The following ANXA13 variants were observed in gnomAD, a reference collection of about 807,000 sequenced individuals.
ANXA13 encodes the protein annexin A13.
In ANXA13, 36 loss-of-function variants were observed where a neutral mutation model predicts 46.6. That is an observed-to-expected ratio of 0.77 (90% CI 0.59 to 1.02). ANXA13 has a LOEUF of 1.02. Ranked by LOEUF, ANXA13 falls within the 50% of genes least tolerant of loss-of-function variation. ANXA13 has a pLI of 0.00. For synonymous variants in ANXA13, 163 were observed against 152.9 expected (o/e 1.07, Z -0.49); for missense variants, 417 against 396.5 (o/e 1.05, Z -0.44).
chr8:123,735,471 G>A (rs1451249414), intron 1 of ANXA13, among the ~76,000 whole-genome samples: 2 of 152,146 alleles, frequency 1.3e-5, no homozygotes, highest in Non-Finnish European at 2.9e-5. Flanking sequence ...TTTCTGAAAT[G>A]TCATAGTGGT....
At chr8:123,737,053 G>A (rs1814284450) in intron 1 of ANXA13, among the ~76,000 whole-genome samples, 1 of 149,932 alleles carries the variant, frequency 6.7e-6, no homozygotes, top group South Asian at 2.1e-4. Flanking sequence ...TAGAGACAGT[G>A]TTTCACCATG....
At chr8:123,693,355 C>A in intron 7 of ANXA13, 57 bp from the exon 8 acceptor site, 1 of 1,494,594 alleles carries the variant, frequency 6.7e-7, no homozygotes. Context: ...ACTGATTATG[C>A]AGTGCTGTGA....
intron 1 of ANXA13, among the ~76,000 whole-genome samples, chr8:123,715,083 TC>T (rs1156571058): frequency 6.6e-6 from 1 of 152,212 alleles, no homozygotes; most frequent in Non-Finnish European, 1.5e-5. Flanking sequence ...CTTATCCAAA[TC>T]TTTTGTGAGA....
At chr8:123,726,954 C>G (rs1036325391) in intron 1 of ANXA13, among the ~76,000 whole-genome samples, 9 of 152,120 alleles carry the variant, frequency 5.9e-5, no homozygotes, top group African/African-American at 2.2e-4. Flanking sequence ...AACTCAGGAA[C>G]AGAAAACCAA....
intron 9 of ANXA13, among the ~76,000 whole-genome samples, chr8:123,687,117 G>A (rs1813154412): frequency 6.6e-6 from 1 of 152,070 alleles, no homozygotes; most frequent in South Asian, 2.1e-4. Flanking sequence ...GCAAGAACTG[G>A]CCTTATTTAC....
chr8:123,711,622 T>C (rs1813659923), intron 2 of ANXA13: 1 of 151,664 alleles, frequency 6.6e-6, no homozygotes, highest in Non-Finnish European at 1.5e-5. Context: ...CTTTTTTCTT[T>C]TTTTTTTTTT....
chr8:123,698,541 T>A lies in ANXA13; in HGVS notation c.205A>T (p.Lys69Ter), dbSNP rs770811388. ...TYGKELEEVL[K>*]SELSGNFEKT... is the part of the protein sequence containing the mutation. Reference sequence around the variant, plus strand: ...TCGAAGTTTCCACTCAGCTCACTCTTGAGTACTTCCTCCAGCTCCTACCAG... The same window carrying A: ...TCGAAGTTTCCACTCAGCTCACTCTAGAGTACTTCCTCCAGCTCCTACCAG... The change falls in exon 4 of 11, where the codon AAG becomes TAG. Residue 69 changes from lysine to a stop codon, truncating the protein, a stop_gained. Transcript: ENST00000419625. LOFTEE classifies it high-confidence loss of function. The A allele has an allele frequency of 1.2e-6, 2 of 1,614,178 alleles. No homozygotes were observed. Among genetic ancestry groups the A allele is most frequent in the Non-Finnish European group, 1.7e-6 (2 of 1,180,008 alleles).
At position 123,688,932 on chromosome 8, in the gene ANXA13, G is replaced by A. The variant is rs1363387463; in HGVS notation, c.657C>T (p.Asp219=). The change falls in exon 9 of 11, where the codon GAC becomes GAT. Residue 219 remains aspartate, a synonymous_variant. Transcript: ENST00000419625. Reference sequence around the variant, plus strand: ...TTTCTTCTTCAATGGCTTCTTCTATGTCTTTGCCAATGAGCTGCAGCGAAA... The same window carrying A: ...TTTCTTCTTCAATGGCTTCTTCTATATCTTTGCCAATGAGCTGCAGCGAAA... ...FQAYQILIGK[D]IEEAIEEETS... is the part of the protein sequence containing the mutation. The A allele has an allele frequency of 3.1e-6, 5 of 1,613,780 alleles. No homozygotes were observed. The highest frequency in any genetic ancestry group is 2.7e-5 in the African/African-American group (2 of 74,994).
At chr8:123,686,501 C>A (rs147081236) in intron 9 of ANXA13, among the ~76,000 whole-genome samples, 2 of 150,014 alleles carry the variant, frequency 1.3e-5, no homozygotes, top group Admixed American at 6.6e-5. Context: ...AAAAAAACCT[C>A]TTCACAGCAA....
chr8:123,693,177 C>G lies in ANXA13; in HGVS notation c.642+20G>C. On this transcript the variant is annotated intron_variant, in intron 8 of 10. Transcript: ENST00000419625. ...ACACTTTCAGAGTGAACTCTTTTGC[C>G]CCAATACTTTATGACTTACAATTTG... 6.2e-7 allele frequency: 1 copy of G among 1,605,818 alleles called. No homozygotes were observed. The highest frequency in any genetic ancestry group is 8.5e-7 in the Non-Finnish European group (1 of 1,172,874).
chr8:123,701,789 A>G (rs968013401), intron 3 of ANXA13, among the ~76,000 whole-genome samples: 1 of 152,082 alleles, frequency 6.6e-6, no homozygotes, highest in African/African-American at 2.4e-5. Context: ...TGTAAAATGG[A>G]AACAATCATA....
At chr8:123,715,675 G>A (rs749087445) in intron 1 of ANXA13, among the ~76,000 whole-genome samples, 5 of 152,236 alleles carry the variant, frequency 3.3e-5, no homozygotes, top group Non-Finnish European at 7.3e-5. Context: ...GCCTGGTGCT[G>A]GCAGGACTGC....
At chr8:123,705,188 T>C (rs1813517650) in intron 2 of ANXA13, among the ~76,000 whole-genome samples, 1 of 152,184 alleles carries the variant, frequency 6.6e-6, no homozygotes, top group East Asian at 1.9e-4. Context: ...ATGAGACAAC[T>C]CTTTTACCTG....
chr8:123,733,924 T>G (rs552567463), intron 1 of ANXA13, among the ~76,000 whole-genome samples: 28 of 152,342 alleles, frequency 1.8e-4, no homozygotes, highest in African/African-American at 6.7e-4. Context: ...GCTTCTAAGA[T>G]TTTAATGTGC....
Position 123,702,729 on chromosome 8 carries a change from A to G in ANXA13, c.99T>C (p.Asn33=). The change falls in exon 3 of 11, where the codon AAT becomes AAC. Residue 33 remains asparagine, a synonymous_variant. Transcript: ENST00000419625. ...LNKACKGMGT[N]EAAIIEILSG... The stretch of plus-strand genomic sequence containing the variant: ...ATAAGATTTCAATGATGGCTGCTTC[A>G]TTGGTCCCTAAAATACAGGAGAAAC... The G allele has an allele frequency of 6.2e-7, 1 of 1,613,870 alleles. No individual in the cohort carries two copies. The highest frequency in any genetic ancestry group is 8.5e-7 in the Non-Finnish European group (1 of 1,179,816).
chr8:123,683,896 C>G (rs1179686528), intron 10 of ANXA13, among the ~76,000 whole-genome samples: 2 of 152,204 alleles, frequency 1.3e-5, no homozygotes, highest in Non-Finnish European at 2.9e-5. Flanking sequence ...CAGCTGTGAT[C>G]TTGACGGCTG....
intron 1 of ANXA13, among the ~76,000 whole-genome samples, chr8:123,736,867 G>GA (rs1563623536): frequency 1.9e-5 from 1 of 51,848 alleles, no homozygotes; most frequent in African/African-American, 4.5e-5. Context: ...TTTTTTTTTG[G>GA]GACGGAGTTT....
chr8:123,701,239 A>G (rs1387168986), intron 3 of ANXA13, among the ~76,000 whole-genome samples: 1 of 152,210 alleles, frequency 6.6e-6, no homozygotes, highest in Admixed American at 6.5e-5. Flanking sequence ...CTTTGGGCTG[A>G]TGTGGGCAGA....
At chr8:123,703,497 T>G (rs1452598974) in intron 2 of ANXA13, among the ~76,000 whole-genome samples, 1 of 152,184 alleles carries the variant, frequency 6.6e-6, no homozygotes, top group Non-Finnish European at 1.5e-5. Context: ...AATTATATGG[T>G]GCATGAATTA....
Sources: allele counts gnomAD v4.1 joint callset (sites outside exome capture counted in the v4.1 genomes callset), GRCh38; gene constraint gnomAD v4.1.1; transcripts MANE v1.5; gene names NCBI Gene and HGNC (gene_info 2026-07-23, HGNC 2026-07-21).